The following NRIP1 variants were observed in gnomAD, a reference collection of about 807,000 sequenced individuals.
NRIP1 encodes the protein nuclear receptor-interacting protein 1.
Under a neutral mutation model 75.0 loss-of-function variants are expected in NRIP1, and 28 were observed. The observed-to-expected ratio is 0.37, with a 90% CI of 0.28 to 0.51. The LOEUF (loss-of-function observed/expected upper bound fraction) is 0.51, where lower values mean the gene tolerates loss of function less well. Ranked by LOEUF, NRIP1 falls within the 20% of genes least tolerant of loss-of-function variation. The pLI, the probability that NRIP1 is intolerant of heterozygous loss-of-function variation, is 0.92. For synonymous variants in NRIP1, 526 were observed against 487.6 expected (o/e 1.08, Z -1.04); for missense variants, 1,435 against 1,343.7 (o/e 1.07, Z -1.06).
intron 2 of NRIP1, among the ~76,000 whole-genome samples, chr21:15,033,194 C>T (rs1285866471): frequency 6.9e-6 from 1 of 145,576 alleles, no homozygotes; most frequent in Non-Finnish European, 1.5e-5. Flanking sequence ...CACTGCACCC[C>T]AGCTTGGGCG....
At chr21:15,008,804 T>C (rs2147148774) in intron 3 of NRIP1, among the ~76,000 whole-genome samples, 1 of 152,286 alleles carries the variant, frequency 6.6e-6, no homozygotes, top group African/African-American at 2.4e-5. Flanking sequence ...AGGAGGCACA[T>C]GAAGAAAAGA....
intron 3 of NRIP1, among the ~76,000 whole-genome samples, chr21:14,978,374 C>T (rs1015702883): frequency 3.9e-5 from 6 of 152,030 alleles, no homozygotes; most frequent in African/African-American, 7.3e-5. Flanking sequence ...CAATAAATTC[C>T]GGGGGAAGGA....
chr21:14,990,222 CTT>C (rs2087531405), intron 3 of NRIP1, among the ~76,000 whole-genome samples: 1 of 152,184 alleles, frequency 6.6e-6, no homozygotes, highest in African/African-American at 2.4e-5. Context: ...CACCCCTCCT[CTT>C]ACATGGTTTA....
chr21:14,975,948 T>C (rs973797821), intron 3 of NRIP1, among the ~76,000 whole-genome samples: 2 of 152,184 alleles, frequency 1.3e-5, no homozygotes, highest in Admixed American at 1.3e-4. Flanking sequence ...AGCAAGGTAC[T>C]ATGTTTGAGT....
At chr21:14,995,886 A>G (rs1421740459) in intron 3 of NRIP1, among the ~76,000 whole-genome samples, 1 of 152,160 alleles carries the variant, frequency 6.6e-6, no homozygotes, top group African/African-American at 2.4e-5. Context: ...CTAAAAACTC[A>G]TAATAGTTTC....
Position 14,965,569 on chromosome 21 carries a change from T to A in NRIP1, c.2624A>T (p.Asn875Ile), listed in dbSNP as rs753219568. 1 of 1,614,030 alleles carries A rather than the reference T, an allele frequency of 6.2e-7. No individual in the cohort carries two copies. Among genetic ancestry groups the A allele is most frequent in the South Asian group, 1.1e-5 (1 of 91,082 alleles). ...PLENPFKKMK[N>I]NIVDAANNHS... Reference sequence around the variant, plus strand: ...ATTGTTTGCAGCATCAACAATGTTGTTTTTCATCTTTTTAAATGGATTTTC... The same window carrying A: ...ATTGTTTGCAGCATCAACAATGTTGATTTTCATCTTTTTAAATGGATTTTC... The change falls in exon 4 of 4, where the codon AAC (asparagine) becomes ATC (isoleucine). Residue 875 changes from asparagine (N) to isoleucine (I), a missense_variant. Asn to Ile is a moderately radical substitution (Grantham distance 149). Transcript: ENST00000318948.
At chr21:14,990,404 C>A (rs1219973575) in intron 3 of NRIP1, among the ~76,000 whole-genome samples, 2 of 152,128 alleles carry the variant, frequency 1.3e-5, no homozygotes. Flanking sequence ...AATGCAAATA[C>A]TAATGCCCAA....
intron 2 of NRIP1, among the ~76,000 whole-genome samples, chr21:15,036,170 G>GA (rs535030161): frequency 6.6e-6 from 1 of 151,912 alleles, no homozygotes; most frequent in African/African-American, 2.4e-5. Flanking sequence ...ACCTACACTG[G>GA]AAAAAAATGC....
At chr21:15,036,309 C>G (rs183690939) in intron 2 of NRIP1, among the ~76,000 whole-genome samples, 1 of 152,270 alleles carries the variant, frequency 6.6e-6, no homozygotes. Context: ...AATTGCACAT[C>G]ATATTTTGTT....
chr21:15,011,100 T>C (rs1348283337), intron 3 of NRIP1, among the ~76,000 whole-genome samples: 1 of 152,132 alleles, frequency 6.6e-6, no homozygotes, highest in African/African-American at 2.4e-5. Context: ...TAAAAAAAAA[T>C]ATGACTTTGA....
Position 14,968,087 on chromosome 21 carries a change from C to G in NRIP1, c.106G>C (p.Ala36Pro), listed in dbSNP as rs149544431. 137 of 1,613,972 alleles carry G rather than the reference C, an allele frequency of 8.5e-5. No homozygotes were observed. Among genetic ancestry groups the G allele is most frequent in the Non-Finnish European group, 1.1e-4 (126 of 1,180,010 alleles). ...TGCCCAGCAGACTTTTTGTCAACGG[C>G]AGTACCTGATCCCCCTGCTGCCTGA... Reference protein sequence around the residue: ...MHQAAGGSGTAVDKKSAGHNE... With the variant: ...MHQAAGGSGTPVDKKSAGHNE... Residue 36 changes from alanine to proline, a missense_variant, in exon 4 of 4, where the codon GCC (alanine) becomes CCC (proline). Ala to Pro is a conservative substitution (Grantham distance 27, BLOSUM62 -1). Coordinates refer to ENST00000318948, the MANE Select transcript of NRIP1 (RefSeq NM_003489.4).
At chr21:15,052,027 A>T (rs184060895) in intron 1 of NRIP1, 8 of 152,276 alleles carry the variant, frequency 5.3e-5, no homozygotes, top group Admixed American at 3.9e-4. Flanking sequence ...TAAGCTAAAA[A>T]CTTTGCTGTA....
intron 3 of NRIP1, among the ~76,000 whole-genome samples, chr21:15,006,192 G>C (rs759874021): frequency 4.6e-5 from 7 of 151,980 alleles, no homozygotes; most frequent in Admixed American, 1.3e-4. Flanking sequence ...AAAATCATTA[G>C]AATAGTGAGT....
chr21:15,055,627 G>A (rs982912829), intron 1 of NRIP1, among the ~76,000 whole-genome samples: 8 of 152,020 alleles, frequency 5.3e-5, no homozygotes, highest in South Asian at 4.1e-4. Flanking sequence ...ATTTTACTGC[G>A]GGATCCATCA....
intron 1 of NRIP1, chr21:15,051,150 G>A (rs1174510300): frequency 3.0e-6 from 1 of 329,440 alleles, no homozygotes; most frequent in East Asian, 7.9e-5. Flanking sequence ...TTTCTCATGT[G>A]GCCCTGAATG....
chr21:14,967,377 G>T lies in NRIP1; in HGVS notation c.816C>A (p.Ser272Arg). ...GAGAATACTGCTGCAAATGGGCTTC[G>T]CTTGACAGAAGTAATGCTAACTGGC... is the stretch of plus-strand genomic sequence containing the variant. ...ACSQLALLLS[S>R]EAHLQQYSRE... The change falls in exon 4 of 4, where the codon AGC becomes AGA. Residue 272 changes from serine to arginine, a missense_variant. Ser to Arg is a moderately radical substitution (Grantham distance 110, BLOSUM62 -1). Transcript: ENST00000318948. 6.2e-7 allele frequency: 1 copy of T among 1,614,090 alleles called. No homozygotes were observed. The highest frequency in any genetic ancestry group is 8.5e-7 in the Non-Finnish European group (1 of 1,179,992).
chr21:15,059,929 G>A (rs997233227), intron 1 of NRIP1, among the ~76,000 whole-genome samples: 1 of 152,130 alleles, frequency 6.6e-6, no homozygotes, highest in South Asian at 2.1e-4. Context: ...CTAATATAAT[G>A]ATAAAATGTA....
chr21:15,025,824 C>A (rs140648542), intron 2 of NRIP1, among the ~76,000 whole-genome samples: 3 of 152,110 alleles, frequency 2.0e-5, no homozygotes, highest in African/African-American at 7.2e-5. Context: ...AATTACGGGC[C>A]GACATGGTCT....
At position 14,966,479 on chromosome 21, in the gene NRIP1, A is replaced by T. The variant is rs745807345; in HGVS notation, c.1714T>A (p.Ser572Thr). ...GGGGAATTCCATTTGATGACCAGAG[A>T]GTGTTGAGAGAGATTGATGGGAGAC... ...AGSPINLSQHSLVIKWNSPPY... is the reference protein window; with the variant it reads ...AGSPINLSQHTLVIKWNSPPY... Residue 572 changes from serine to threonine, a missense_variant, in exon 4 of 4, where the codon TCT becomes ACT. By Grantham distance (58) the Ser-to-Thr change is moderately conservative (BLOSUM62 1). Coordinates refer to ENST00000318948, the MANE Select transcript of NRIP1 (RefSeq NM_003489.4). The T allele has an allele frequency of 5.6e-6, 9 of 1,613,892 alleles. No homozygotes were observed. The highest frequency in any genetic ancestry group is 2.2e-5 in the South Asian group (2 of 91,078).
Sources: gnomAD v4.1 joint callset for allele counts (sites outside exome capture counted in the v4.1 genomes callset) on GRCh38, gnomAD v4.1.1 for gene constraint, MANE v1.5 for transcripts, NCBI Gene and HGNC (gene_info 2026-07-23, HGNC 2026-07-21) for gene names.